HACE1: variants seen among roughly 807,000 people sequenced by gnomAD.
The protein encoded by HACE1 is HECT domain and ankyrin repeat containing E3 ubiquitin protein ligase 1, also known as E3 ubiquitin-protein ligase HACE1.
In HACE1, 73 loss-of-function variants were observed where a neutral mutation model predicts 118.4. The observed-to-expected ratio is 0.62, with a 90% CI of 0.51 to 0.75. The LOEUF is 0.75. Ranked by LOEUF, HACE1 falls within the 30% of genes least tolerant of loss-of-function variation. The pLI is 0.00. For missense variants in HACE1, 749 were observed against 1,102.2 expected, an observed-to-expected ratio of 0.68 and a Z score of 4.54; for synonymous variants, 368 against 374.8, an observed-to-expected ratio of 0.98 and a Z score of 0.21.
chr6:104,769,562 CAT>C (rs1780397573), intron 19 of HACE1, among the ~76,000 whole-genome samples: 1 of 152,170 alleles, frequency 6.6e-6, no homozygotes, highest in African/African-American at 2.4e-5. Flanking sequence ...ACTGGCAAAT[CAT>C]ATAGGTTTAA....
intron 11 of HACE1, among the ~76,000 whole-genome samples, chr6:104,788,963 A>G (rs1233324652): frequency 1.3e-5 from 2 of 152,174 alleles, no homozygotes; most frequent in Non-Finnish European, 2.9e-5. Context: ...TTTGAACAAT[A>G]AAGTAGCATT....
In HACE1 at chr6:104,852,317, C is replaced by T. The variant is rs1441448408; in HGVS notation, c.131G>A (p.Arg44Lys). The T allele has an allele frequency of 6.2e-7, 1 of 1,608,016 alleles. No individual in the cohort carries two copies. The highest frequency in any genetic ancestry group is 8.5e-7 in the Non-Finnish European group (1 of 1,175,040). The change falls in exon 2 of 24, where the codon AGG becomes AAG. Residue 44 changes from arginine to lysine, a missense_variant and splice_region_variant. This residue lies in a region of HACE1 where 120 missense variants were observed against 219.1 expected (regional missense o/e 0.55). Coordinates refer to ENST00000262903, the MANE Select transcript of HACE1 (RefSeq NM_020771.4). ...AAAAATTTTTGGAACAAGCACTCAC[C>T]TGTGTTGATCAGCCATAACCATTGG... Reference protein sequence around the residue: ...LMPMVMADQHRSVSELLSNSK... With the variant: ...LMPMVMADQHKSVSELLSNSK...
At chr6:104,824,257 C>T (rs1773081256) in intron 6 of HACE1, among the ~76,000 whole-genome samples, 1 of 152,158 alleles carries the variant, frequency 6.6e-6, no homozygotes, top group Admixed American at 6.5e-5. Context: ...AAAGGTCTAA[C>T]CACAATAACA....
chr6:104,830,228 T>C (rs1018796431), intron 6 of HACE1, among the ~76,000 whole-genome samples: 2 of 152,198 alleles, frequency 1.3e-5, no homozygotes, highest in South Asian at 4.1e-4. Context: ...CATTCTCTAA[T>C]ATGCAATAGT....
chr6:104,778,998 G>A (rs1187302169), intron 14 of HACE1, among the ~76,000 whole-genome samples: 1 of 152,146 alleles, frequency 6.6e-6, no homozygotes, highest in Non-Finnish European at 1.5e-5. Flanking sequence ...GATTTAGGAG[G>A]AGATACTGGA....
At chr6:104,796,180 G>A (rs942297615) in intron 9 of HACE1, among the ~76,000 whole-genome samples, 4 of 151,914 alleles carry the variant, frequency 2.6e-5, no homozygotes, top group African/African-American at 7.3e-5. Context: ...ACATGATCTC[G>A]GCTCACTGCA....
At chr6:104,805,082 T>C (rs1036592005) in intron 7 of HACE1, among the ~76,000 whole-genome samples, 9 of 152,178 alleles carry the variant, frequency 5.9e-5, no homozygotes, top group African/African-American at 2.2e-4. Context: ...AAGACAATTA[T>C]GCAACCAACA....
chr6:104,822,226 CA>C (rs1772819313), intron 6 of HACE1, among the ~76,000 whole-genome samples: 1 of 107,240 alleles, frequency 9.3e-6, no homozygotes, highest in Non-Finnish European at 1.9e-5. Context: ...AAAAAAAATA[CA>C]AAAAAATTAT....
chr6:104,777,432 A>G (rs1781333175), intron 14 of HACE1, 115 bp from the exon 15 acceptor site: 1 of 728,722 alleles, frequency 1.4e-6, no homozygotes, highest in South Asian at 1.5e-5. Context: ...ATCTTTATTT[A>G]CAATAAGGAG....
intron 5 of HACE1, among the ~76,000 whole-genome samples, chr6:104,840,858 G>A (rs1209673213): frequency 1.3e-5 from 2 of 152,200 alleles, no homozygotes. Flanking sequence ...AGCTACTCAG[G>A]AGGCTGAAGC....
chr6:104,843,461 T>C (rs1775308908), intron 4 of HACE1, among the ~76,000 whole-genome samples, 163 bp from the exon 5 acceptor site: 1 of 152,170 alleles, frequency 6.6e-6, no homozygotes, highest in African/African-American at 2.4e-5. Flanking sequence ...AAACACTACT[T>C]GACGCAAGAT....
chr6:104,825,282 C>T (rs190939385), intron 6 of HACE1, among the ~76,000 whole-genome samples: 44 of 152,162 alleles, frequency 2.9e-4, no homozygotes, highest in African/African-American at 1.0e-3. Flanking sequence ...AAAGGACCAG[C>T]GACCTTTGCA....
At chr6:104,850,797 T>C in intron 3 of HACE1, 110 bp downstream of exon 3, 2 of 802,456 alleles carry the variant, frequency 2.5e-6, no homozygotes, top group Non-Finnish European at 4.5e-6. Flanking sequence ...AAAGAACTAC[T>C]CAGCTGTCTG....
At chr6:104,798,597 A>G (rs1769953134) in intron 7 of HACE1, among the ~76,000 whole-genome samples, 1 of 152,212 alleles carries the variant, frequency 6.6e-6, no homozygotes, top group Non-Finnish European at 1.5e-5. Context: ...TGAAAGCAAC[A>G]ATAATCAGCT....
intron 6 of HACE1, among the ~76,000 whole-genome samples, chr6:104,820,941 A>T (rs1772643750): frequency 6.6e-6 from 1 of 152,228 alleles, no homozygotes; most frequent in Non-Finnish European, 1.5e-5. Flanking sequence ...ATCAACCTAA[A>T]TGCCCATCGA....
chr6:104,775,946 C>A (rs963095720), intron 17 of HACE1, among the ~76,000 whole-genome samples: 1 of 152,108 alleles, frequency 6.6e-6, no homozygotes, highest in Non-Finnish European at 1.5e-5. Context: ...GAAAAACAAG[C>A]GACTGTGCAA....
chr6:104,818,789 T>A (rs967050735), intron 6 of HACE1, among the ~76,000 whole-genome samples: 1 of 152,082 alleles, frequency 6.6e-6, no homozygotes, highest in Admixed American at 6.6e-5. Context: ...AACCACATGA[T>A]TATCTCAACA....
intron 6 of HACE1, among the ~76,000 whole-genome samples, chr6:104,828,022 T>G (rs77265140): frequency 6.6e-6 from 1 of 152,250 alleles, no homozygotes; most frequent in East Asian, 1.9e-4. Context: ...AAATTTAGAC[T>G]GAACTATTTG....
intron 6 of HACE1, among the ~76,000 whole-genome samples, chr6:104,823,504 ATT>A (rs34617157): frequency 4.7e-4 from 71 of 151,486 alleles, no homozygotes; most frequent in African/African-American, 1.7e-3. Flanking sequence ...CTACTTTTCT[ATT>A]TTTTTAAAAA....
Sources: allele counts gnomAD v4.1 joint callset (sites outside exome capture counted in the v4.1 genomes callset), GRCh38; gene constraint gnomAD v4.1.1; regional missense constraint gnomAD v4.1.1; transcripts MANE v1.5; gene names NCBI Gene and HGNC (gene_info 2026-07-23, HGNC 2026-07-21).